The following DENND5A variants were observed in gnomAD, a reference collection of about 807,000 sequenced individuals.
DENND5A encodes the protein DENN domain-containing protein 5A.
Under a neutral mutation model 140.3 loss-of-function variants are expected in DENND5A, and 64 were observed. The observed-to-expected ratio is 0.46, with a 90% confidence interval of 0.37 to 0.56. The LOEUF is 0.56. DENND5A is among the 20% of genes least tolerant of loss of function. The pLI is 0.00. For synonymous variants in DENND5A, 605 were observed against 607.7 expected (o/e 1.00, Z 0.07); for missense variants, 1,292 against 1,593.8 (o/e 0.81, Z 3.22).
At chr11:9,183,875 G>T (rs1404298383) in intron 5 of DENND5A, among the ~76,000 whole-genome samples, 1 of 151,932 alleles carries the variant, frequency 6.6e-6, no homozygotes, top group Non-Finnish European at 1.5e-5. Context: ...ATAATATATT[G>T]ATCAGTTTTC....
intron 1 of DENND5A, among the ~76,000 whole-genome samples, chr11:9,264,359 G>A (rs1852347406): frequency 6.6e-6 from 1 of 152,040 alleles, no homozygotes; most frequent in African/African-American, 2.4e-5. Flanking sequence ...AAAAAGGCAT[G>A]GCCCCGGGAT....
intron 12 of DENND5A, among the ~76,000 whole-genome samples, chr11:9,158,598 A>G (rs1377671243): frequency 6.6e-6 from 1 of 152,074 alleles, no homozygotes; most frequent in African/African-American, 2.4e-5. Flanking sequence ...ATTCCATCAT[A>G]CATATAAGGA....
chr11:9,207,451 A>G (rs1590276625), intron 2 of DENND5A, 110 bp downstream of exon 2: 1 of 787,276 alleles, frequency 1.3e-6, no homozygotes, highest in East Asian at 2.5e-5. Context: ...CTAGTGGTCA[A>G]AAAAGGCACA....
At chr11:9,238,116 T>A (rs909438585) in intron 1 of DENND5A, among the ~76,000 whole-genome samples, 7 of 152,118 alleles carry the variant, frequency 4.6e-5, no homozygotes, top group African/African-American at 1.7e-4. Flanking sequence ...TCAACTTGAG[T>A]GGGTTTTTTG....
intron 18 of DENND5A, 142 bp from the exon 19 acceptor site, chr11:9,144,420 T>C (rs971151588): frequency 1.2e-6 from 1 of 831,904 alleles, no homozygotes; most frequent in Non-Finnish European, 1.9e-6. Context: ...TTCCACCATG[T>C]ATCATCAGAG....
chr11:9,152,842 A>G (rs1847666953), intron 12 of DENND5A, among the ~76,000 whole-genome samples: 1 of 151,450 alleles, frequency 6.6e-6, no homozygotes, highest in African/African-American at 2.4e-5. Flanking sequence ...TGTCTCTACT[A>G]AAAATACACA....
intron 1 of DENND5A, among the ~76,000 whole-genome samples, chr11:9,227,718 G>T (rs1850589292): frequency 6.6e-6 from 1 of 152,048 alleles, no homozygotes; most frequent in South Asian, 2.1e-4. Flanking sequence ...AACACTATGG[G>T]AGGCCAAGAT....
chr11:9,174,962 T>A (rs534991541), intron 8 of DENND5A, among the ~76,000 whole-genome samples: 3 of 147,878 alleles, frequency 2.0e-5, no homozygotes, highest in South Asian at 2.2e-4. Context: ...AGAAAAAAAA[T>A]AAATAAATAA....
chr11:9,213,001 AT>A (rs71062814), intron 1 of DENND5A, among the ~76,000 whole-genome samples: 151 of 126,264 alleles, frequency 1.2e-3, no homozygotes, highest in Admixed American at 2.8e-3. Context: ...CCTGGTTCTG[AT>A]TTTTTTTTTT....
chr11:9,165,324 C>T (rs1048695318), intron 11 of DENND5A, among the ~76,000 whole-genome samples: 3 of 152,062 alleles, frequency 2.0e-5, no homozygotes, highest in African/African-American at 7.2e-5. Context: ...ATAGAGTATA[C>T]ATTAAGTTTT....
chr11:9,264,617 GGGACGCCTTCCCTCCCTAAT>G (rs1001237969), intron 1 of DENND5A, among the ~76,000 whole-genome samples: 16 of 152,088 alleles, frequency 1.1e-4, no homozygotes, highest in African/African-American at 3.9e-4. Flanking sequence ...ACTAGGACGT[GGGACGCCTTCCCTCCCTAAT>G]GGGTGCCAGA....
At chr11:9,236,242 A>G (rs1850997054) in intron 1 of DENND5A, among the ~76,000 whole-genome samples, 1 of 150,048 alleles carries the variant, frequency 6.7e-6, no homozygotes. Context: ...AAAAAAACAA[A>G]TAAAGTTCGC....
intron 1 of DENND5A, among the ~76,000 whole-genome samples, chr11:9,252,864 T>C (rs1363794974): frequency 4.0e-5 from 6 of 151,802 alleles, no homozygotes; most frequent in African/African-American, 1.5e-4. Flanking sequence ...TTTTTTTTTT[T>C]TTTGAGTCAG....
intron 1 of DENND5A, among the ~76,000 whole-genome samples, chr11:9,247,757 T>C (rs1168749339): frequency 6.6e-6 from 1 of 152,102 alleles, no homozygotes; most frequent in African/African-American, 2.4e-5. Context: ...TTTTCAGACC[T>C]TAAAAGGTAT....
At chr11:9,175,951 A>T (rs113181582) in intron 8 of DENND5A, among the ~76,000 whole-genome samples, 410 of 152,314 alleles carry the variant, frequency 2.7e-3, no homozygotes, top group Admixed American at 6.8e-3. Context: ...CCAACTGATA[A>T]ATTGGGCCTC....
chr11:9,182,394 C>G (rs934447625), intron 5 of DENND5A, among the ~76,000 whole-genome samples: 2 of 152,182 alleles, frequency 1.3e-5, no homozygotes, highest in Non-Finnish European at 2.9e-5. Context: ...AAAACTGACA[C>G]AGAGAGGTTA....
intron 5 of DENND5A, 30 bp from the exon 6 acceptor site, chr11:9,181,114 A>C: frequency 6.3e-7 from 1 of 1,589,784 alleles, no homozygotes; most frequent in Non-Finnish European, 8.6e-7. Flanking sequence ...GAGGAGTATG[A>C]ATAACTCCAG....
intron 1 of DENND5A, among the ~76,000 whole-genome samples, chr11:9,259,488 C>T (rs1416020090): frequency 6.6e-6 from 1 of 152,014 alleles, no homozygotes; most frequent in Admixed American, 6.6e-5. Context: ...ATGGCGTGAA[C>T]CCGGGAGGCG....
chr11:9,188,923 CA>C (rs1429022508), intron 5 of DENND5A, among the ~76,000 whole-genome samples: 1 of 152,204 alleles, frequency 6.6e-6, no homozygotes, highest in Non-Finnish European at 1.5e-5. Context: ...CAGAAATTTA[CA>C]TAAGTAACAA....
Sources: allele counts gnomAD v4.1 joint callset (sites outside exome capture counted in the v4.1 genomes callset), GRCh38; gene constraint gnomAD v4.1.1; transcripts MANE v1.5; gene names NCBI Gene and HGNC (gene_info 2026-07-23, HGNC 2026-07-21).